The following SASH1 variants were observed in gnomAD, a reference collection of about 807,000 sequenced individuals.
SASH1 encodes SAM and SH3 domain-containing protein 1.
A neutral mutation model predicts 125.2 loss-of-function variants in SASH1; 44 were observed. The observed-to-expected ratio is 0.35, with a 90% confidence interval of 0.28 to 0.45. SASH1 has a LOEUF of 0.45. SASH1 is among the 20% of genes least tolerant of loss of function. The probability of loss-of-function intolerance (pLI) is 1.00; values close to 1 mark genes in which losing one functional copy is unlikely to be tolerated. For missense variants in SASH1, 1,426 were observed against 1,614.5 expected, an observed-to-expected ratio of 0.88 and a Z score of 2.00; for synonymous variants, 639 against 649.1, an observed-to-expected ratio of 0.98 and a Z score of 0.24.
chr6:148,533,063 G>C lies in SASH1; in HGVS notation c.1734+97G>C. 7.5e-7 allele frequency: 1 copy of C among 1,328,916 alleles called. No homozygotes were observed. The highest frequency in any genetic ancestry group is 1.1e-6 in the Non-Finnish European group (1 of 939,264). The allele number at this position is 1,328,916 out of a possible 1,614,324, so 82.3% of individuals were successfully genotyped here. On this transcript the variant is annotated intron_variant, in intron 14 of 19. Coordinates refer to ENST00000367467, the MANE Select transcript of SASH1 (RefSeq NM_015278.5). This position sits in a 1 kb window ranked among gnomAD's most constrained non-coding sequence, Gnocchi z 6.2. Reference sequence around the variant, plus strand: ...CACTGTTGAATGCTGGGCTACTATGGTACAGACTGGACAGTATCTTGGCTA... The same window carrying C: ...CACTGTTGAATGCTGGGCTACTATGCTACAGACTGGACAGTATCTTGGCTA...
upstream of SASH1, among the ~76,000 whole-genome samples, chr6:148,268,877 C>A (rs543529755): frequency 6.6e-6 from 1 of 152,214 alleles, no homozygotes; most frequent in Admixed American, 6.5e-5. Flanking sequence ...GGCTTCATAT[C>A]GGTTACTCAG....
chr6:148,512,744 A>T, intron 8 of SASH1: 2 of 985,292 alleles, frequency 2.0e-6, no homozygotes, highest in Non-Finnish European at 2.4e-6. Context: ...ACTTAGCTTT[A>T]ATTCTGACAC....
At chr6:148,232,672 A>AATC in the SASH1 span, among the ~76,000 whole-genome samples, 1 of 152,184 alleles carries the variant, frequency 6.6e-6, no homozygotes, top group Non-Finnish European at 1.5e-5. Context: ...CAAAGTATTA[A>AATC]ATCTCTAAGC....
chr6:148,429,504 A>G (rs186921356), intron 2 of SASH1, among the ~76,000 whole-genome samples: 65 of 151,568 alleles, frequency 4.3e-4, no homozygotes, highest in African/African-American at 1.5e-3. Flanking sequence ...TAATCCCATC[A>G]TTTTGGGAGG....
At chr6:148,286,988 C>A (rs568997777) in intron 1 of SASH1, among the ~76,000 whole-genome samples, 6 of 152,266 alleles carry the variant, frequency 3.9e-5, no homozygotes, top group African/African-American at 1.4e-4. Flanking sequence ...CCTCTCCATG[C>A]GCTTCCTCAG....
chr6:148,330,305 G>A (rs1425178253), intron 1 of SASH1, among the ~76,000 whole-genome samples: 10 of 152,176 alleles, frequency 6.6e-5, no homozygotes, highest in Non-Finnish European at 1.5e-4. Flanking sequence ...AGAATCTTTT[G>A]TTCTATGCAC....
chr6:148,468,462 C>G, intron 4 of SASH1, 83 bp from the exon 5 acceptor site: 1 of 1,027,442 alleles, frequency 9.7e-7, no homozygotes, highest in Non-Finnish European at 1.5e-6. Context: ...AGTATTGATG[C>G]TGGGTCAAAC....
chr6:148,448,818 A>G (rs1776934586), intron 4 of SASH1, among the ~76,000 whole-genome samples: 1 of 152,154 alleles, frequency 6.6e-6, no homozygotes, highest in Non-Finnish European at 1.5e-5. Flanking sequence ...TTCATATAAC[A>G]TAATTCACCA....
At chr6:148,487,137 G>A (rs1315876170) in intron 7 of SASH1, among the ~76,000 whole-genome samples, 1 of 136,742 alleles carries the variant, frequency 7.3e-6, no homozygotes, top group Admixed American at 7.2e-5. Flanking sequence ...ATATGTGTAT[G>A]TTTCAGGGTT....
At chr6:148,469,887 G>T (rs187745765) in intron 5 of SASH1, among the ~76,000 whole-genome samples, 1 of 151,922 alleles carries the variant, frequency 6.6e-6, no homozygotes, top group Non-Finnish European at 1.5e-5. Context: ...TTAGCTGGGC[G>T]TGGTGGCTCC....
At chr6:148,459,667 G>A (rs918298674) in intron 4 of SASH1, among the ~76,000 whole-genome samples, 1 of 152,100 alleles carries the variant, frequency 6.6e-6, no homozygotes, top group Non-Finnish European at 1.5e-5. Flanking sequence ...GAAGGACTGA[G>A]GATGACTTGG....
At chr6:148,315,206 G>A (rs770021246) in intron 1 of SASH1, among the ~76,000 whole-genome samples, 2 of 152,140 alleles carry the variant, frequency 1.3e-5, no homozygotes, top group Non-Finnish European at 2.9e-5. Context: ...CTCCCTTTAT[G>A]CCAGATAGAG....
intron 1 of SASH1, among the ~76,000 whole-genome samples, chr6:148,285,876 T>C (rs891183151): frequency 6.6e-6 from 1 of 152,230 alleles, no homozygotes; most frequent in Non-Finnish European, 1.5e-5. Context: ...AGATTCTTTC[T>C]GTATTACTGA....
chr6:148,448,113 AGAGTGT>A (rs1218233866), intron 4 of SASH1, among the ~76,000 whole-genome samples: 3 of 133,292 alleles, frequency 2.3e-5, no homozygotes, highest in East Asian at 2.7e-4. Context: ...TGCAGTGGAG[AGAGTGT>A]GTGTGTGTGT....
intron 1 of SASH1, among the ~76,000 whole-genome samples, chr6:148,386,756 T>C (rs1057044093): frequency 6.6e-6 from 1 of 152,172 alleles, no homozygotes; most frequent in African/African-American, 2.4e-5. Flanking sequence ...GATCTGTAAC[T>C]CATAAAAATG....
chr6:148,343,301 C>T (rs1191360928), intron 1 of SASH1, 78 bp downstream of exon 1: 1 of 1,427,240 alleles, frequency 7.0e-7, no homozygotes, highest in South Asian at 1.3e-5. Context: ...TCCCTTCTCG[C>T]CCACCCACTG....
chr6:148,307,029 T>TTTCTTTCTTTCC (rs1780147511), intron 1 of SASH1, among the ~76,000 whole-genome samples: 1 of 29,350 alleles, frequency 3.4e-5, no homozygotes, highest in Non-Finnish European at 6.7e-5. Context: ...CTTTCTTTTC[T>TTTCTTTCTTTCC]TTCTTTCTTT....
At chr6:148,251,448 C>T in the SASH1 span, among the ~76,000 whole-genome samples, 3,012 of 152,160 alleles carry the variant, frequency 0.02, 63 homozygotes, top group Non-Finnish European at 0.029. Context: ...ACTTGCTTAC[C>T]GAAACCTCTG....
rs1426741168 is a variant in SASH1, at chr6:148,550,539, T to G, written c.*1981T>G. ...GTTTCTTTAATAATTAATTTTCATC[T>G]TCTATAAGATGCCATGTGAAGAAGT... On this transcript the variant is annotated 3_prime_UTR_variant, in exon 20 of 20. Transcript: ENST00000367467. 21 of 152,228 alleles carry G rather than the reference T, an allele frequency of 1.4e-4. No homozygotes were observed. 9.4% of individuals were successfully genotyped at this position (152,228 alleles called of 1,614,324 possible).
Sources: gnomAD v4.1 joint callset for allele counts (sites outside exome capture counted in the v4.1 genomes callset) on GRCh38, gnomAD v4.1.1 for gene constraint, Gnocchi (gnomAD v3.1) non-coding constraint, MANE v1.5 for transcripts, NCBI Gene and HGNC (gene_info 2026-07-23, HGNC 2026-07-21) for gene names.